TRDN: variants seen among roughly 807,000 people sequenced by gnomAD.
TRDN encodes triadin, also known as triadin in skeletal muscle.
A neutral mutation model predicts 149.7 loss-of-function variants in TRDN; 161 were observed. The observed-to-expected ratio is 1.08, with a 90% CI of 0.95 to 1.23. TRDN has a LOEUF of 1.23. Among genes scored for constraint, TRDN ranks in the 50% most tolerant of loss-of-function variants. The pLI, the probability that TRDN is intolerant of heterozygous loss-of-function variation, is 0.00. For synonymous variants in TRDN, 294 were observed against 250.5 expected, an observed-to-expected ratio of 1.17 and a Z score of -1.64; for missense variants, 896 against 823.5, an observed-to-expected ratio of 1.09 and a Z score of -1.08.
intron 12 of TRDN, among the ~76,000 whole-genome samples, chr6:123,399,599 G>A (rs1398456089): frequency 6.6e-6 from 1 of 152,128 alleles, no homozygotes; most frequent in Non-Finnish European, 1.5e-5. Context: ...AGATGCCAGA[G>A]AAAGAAATAC....
intron 10 of TRDN, among the ~76,000 whole-genome samples, chr6:123,443,033 T>A (rs555478927): frequency 1.0e-3 from 157 of 152,224 alleles, no homozygotes; most frequent in African/African-American, 3.7e-3. Flanking sequence ...CACCTGTTTA[T>A]TCCTTATTTA....
intron 1 of TRDN, among the ~76,000 whole-genome samples, chr6:123,589,548 G>A (rs1407881635): frequency 6.6e-6 from 1 of 152,112 alleles, no homozygotes; most frequent in Non-Finnish European, 1.5e-5. Context: ...TGACTCTAAT[G>A]TGCGTTTTTT....
chr6:123,621,367 A>G (rs889793795), intron 1 of TRDN, among the ~76,000 whole-genome samples: 5 of 152,158 alleles, frequency 3.3e-5, no homozygotes, highest in Non-Finnish European at 1.5e-5. Flanking sequence ...TTAGATTTAA[A>G]CAATCCAGTT....
At chr6:123,618,720 C>A (rs917629459) in intron 1 of TRDN, among the ~76,000 whole-genome samples, 1 of 152,160 alleles carries the variant, frequency 6.6e-6, no homozygotes, top group Non-Finnish European at 1.5e-5. Flanking sequence ...GGCTCACAAC[C>A]GTGTATCTTT....
intron 12 of TRDN, among the ~76,000 whole-genome samples, chr6:123,416,945 C>CACCT (rs1315754752): frequency 6.6e-6 from 1 of 152,152 alleles, no homozygotes. Flanking sequence ...TTAGGTGATC[C>CACCT]ACCTGCCTCC....
intron 12 of TRDN, among the ~76,000 whole-genome samples, chr6:123,423,752 T>C (rs967937726): frequency 6.6e-6 from 1 of 152,160 alleles, no homozygotes; most frequent in Admixed American, 6.6e-5. Context: ...AATATGTTTT[T>C]TTGTCTTATT....
chr6:123,512,183 C>A (rs368614875), intron 7 of TRDN, 120 bp downstream of exon 7: 2 of 556,370 alleles, frequency 3.6e-6, no homozygotes, highest in Non-Finnish European at 6.3e-6. Context: ...AAGGTAAGAC[C>A]AAATTAACTT....
intron 12 of TRDN, among the ~76,000 whole-genome samples, chr6:123,415,732 C>A (rs1773622476): frequency 6.6e-6 from 1 of 152,134 alleles, no homozygotes; most frequent in Admixed American, 6.6e-5. Context: ...AATGGTACCT[C>A]AGTGATAAGT....
At chr6:123,595,391 GAC>G (rs1395730525) in intron 1 of TRDN, among the ~76,000 whole-genome samples, 1 of 152,092 alleles carries the variant, frequency 6.6e-6, no homozygotes, top group African/African-American at 2.4e-5. Flanking sequence ...TGGTAAATGG[GAC>G]AAAGCCAATT....
intron 4 of TRDN, among the ~76,000 whole-genome samples, chr6:123,535,358 T>C (rs1780475929): frequency 6.6e-6 from 1 of 152,118 alleles, no homozygotes; most frequent in African/African-American, 2.4e-5. Flanking sequence ...TCAAAGAATG[T>C]AGGAAGTGTA....
chr6:123,222,935 A>C (rs1775205143), intron 39 of TRDN, among the ~76,000 whole-genome samples: 1 of 151,886 alleles, frequency 6.6e-6, no homozygotes, highest in Admixed American at 6.6e-5. Flanking sequence ...GCAAATCAAA[A>C]CCACAATAAG....
At chr6:123,567,095 A>G (rs930317160) in intron 2 of TRDN, among the ~76,000 whole-genome samples, 1 of 152,210 alleles carries the variant, frequency 6.6e-6, no homozygotes, top group Admixed American at 6.5e-5. Flanking sequence ...CTGATAGGGA[A>G]ATACTTCAGT....
intron 1 of TRDN, among the ~76,000 whole-genome samples, chr6:123,618,534 A>G (rs1785221132): frequency 6.6e-6 from 1 of 152,268 alleles, no homozygotes; most frequent in East Asian, 1.9e-4. Context: ...TTTCCAGGTA[A>G]GGTAACATAT....
chr6:123,313,872 TA>T (rs1778923176), intron 24 of TRDN, among the ~76,000 whole-genome samples: 1 of 151,920 alleles, frequency 6.6e-6, no homozygotes. Context: ...TACTTAAATG[TA>T]AAACTTAAAA....
intron 12 of TRDN, among the ~76,000 whole-genome samples, chr6:123,397,525 A>C (rs1300819149): frequency 6.6e-6 from 1 of 152,180 alleles, no homozygotes; most frequent in Admixed American, 6.5e-5. Flanking sequence ...ACAGTAAGAA[A>C]TGGCACAGAA....
intron 1 of TRDN, among the ~76,000 whole-genome samples, chr6:123,588,882 A>C (rs1041175554): frequency 6.6e-6 from 1 of 152,212 alleles, no homozygotes; most frequent in Non-Finnish European, 1.5e-5. Context: ...TTTTAATAGA[A>C]TAAATATCTT....
chr6:123,377,505 A>G (rs1781553334), intron 18 of TRDN, among the ~76,000 whole-genome samples: 2 of 152,164 alleles, frequency 1.3e-5, no homozygotes, highest in Non-Finnish European at 2.9e-5. Flanking sequence ...AGTTCACAGA[A>G]CACACATTGA....
chr6:123,497,391 T>A, intron 8 of TRDN, 139 bp from the exon 9 acceptor site: 1 of 525,578 alleles, frequency 1.9e-6, no homozygotes, highest in East Asian at 3.6e-5. Flanking sequence ...AAAAAAATAA[T>A]TTGCACTTAT....
intron 1 of TRDN, among the ~76,000 whole-genome samples, chr6:123,576,924 T>A (rs1231612243): frequency 6.6e-6 from 1 of 151,834 alleles, no homozygotes; most frequent in African/African-American, 2.4e-5. Context: ...GTGACATCAG[T>A]TTACATATAA....
Sources: allele counts gnomAD v4.1 joint callset (sites outside exome capture counted in the v4.1 genomes callset), GRCh38; gene constraint gnomAD v4.1.1; transcripts MANE v1.5; gene names NCBI Gene and HGNC (gene_info 2026-07-23, HGNC 2026-07-21).